The following URB1 variants were observed in gnomAD, a reference collection of about 807,000 sequenced individuals.
The protein encoded by URB1 is nucleolar pre-ribosomal-associated protein 1.
In URB1, 197 loss-of-function variants were observed where a neutral mutation model predicts 242.3. That is an observed-to-expected ratio of 0.81 (90% CI 0.72 to 0.91). The LOEUF is 0.91. Among genes scored for constraint, URB1 ranks in the 40% least tolerant of loss-of-function variants. The probability of loss-of-function intolerance (pLI) is 0.00; values close to 1 mark genes in which losing one functional copy is unlikely to be tolerated. For synonymous variants in URB1, 1,153 were observed against 1,201.8 expected, an observed-to-expected ratio of 0.96 and a Z score of 0.84; for missense variants, 2,721 against 2,860.5, an observed-to-expected ratio of 0.95 and a Z score of 1.11.
chr21:32,369,059 T>A (rs1220618959), intron 8 of URB1, among the ~76,000 whole-genome samples: 4 of 147,498 alleles, frequency 2.7e-5, no homozygotes, highest in African/African-American at 1.1e-4. Context: ...AAGCACTATG[T>A]AGGGCTGGCT....
intron 6 of URB1, 49 bp from the exon 7 acceptor site, chr21:32,373,821 T>C: frequency 7.0e-7 from 1 of 1,432,350 alleles, no homozygotes; most frequent in Non-Finnish European, 9.3e-7. Flanking sequence ...ATGAAAAAGT[T>C]CATGGAATTC....
intron 17 of URB1, 21 bp downstream of exon 17, chr21:32,354,838 G>A (rs536686624): frequency 7.4e-5 from 114 of 1,550,862 alleles, no homozygotes; most frequent in Admixed American, 1.6e-4. Flanking sequence ...TCTGAGCAGC[G>A]CAGAACAGAA....
intron 12 of URB1, 53 bp from the exon 13 acceptor site, chr21:32,361,176 A>G: frequency 1.3e-6 from 1 of 763,322 alleles, no homozygotes. Flanking sequence ...AGAAAGAAAG[A>G]AAGAAAGAAA....
chr21:32,352,973 C>T (rs1171462442), intron 18 of URB1, 67 bp from the exon 19 acceptor site: 16 of 1,440,870 alleles, frequency 1.1e-5, no homozygotes, highest in Non-Finnish European at 1.5e-5. Flanking sequence ...CCTACCAACA[C>T]CACCTTCTTC....
intron 19 of URB1, 85 bp from the exon 20 acceptor site, chr21:32,351,007 A>C: frequency 7.5e-7 from 1 of 1,340,474 alleles, no homozygotes; most frequent in Non-Finnish European, 1.0e-6. Context: ...ACACACAACA[A>C]ACGGACATTT....
chr21:32,369,465 T>G (rs915319918), intron 8 of URB1, among the ~76,000 whole-genome samples: 5 of 152,086 alleles, frequency 3.3e-5, no homozygotes, highest in Admixed American at 6.5e-5. Flanking sequence ...ATTTTTAAAA[T>G]TTTTTATTAT....
At chr21:32,330,955 G>C (rs1162284614) in intron 30 of URB1, among the ~76,000 whole-genome samples, 2 of 152,190 alleles carry the variant, frequency 1.3e-5, no homozygotes, top group Admixed American at 6.5e-5. Context: ...TAGCCTCTTT[G>C]ATCTTTTTAA....
chr21:32,339,315 G>A (rs1166437904), intron 25 of URB1, among the ~76,000 whole-genome samples: 2 of 151,938 alleles, frequency 1.3e-5, no homozygotes, highest in Non-Finnish European at 2.9e-5. Context: ...ATTTTATTAA[G>A]AAAATGTTCA....
chr21:32,354,132 A>G (rs1285510369), intron 17 of URB1, 29 bp from the exon 18 acceptor site: 5 of 1,550,746 alleles, frequency 3.2e-6, no homozygotes, highest in East Asian at 2.4e-5. Context: ...AATCCAGCTG[A>G]TGTGAGAGCC....
At chr21:32,388,475 C>T (rs2033606222) in intron 1 of URB1, among the ~76,000 whole-genome samples, 1 of 152,208 alleles carries the variant, frequency 6.6e-6, no homozygotes, top group South Asian at 2.1e-4. Flanking sequence ...CCGCAGCAAC[C>T]ACCGCCATTC....
intron 1 of URB1, among the ~76,000 whole-genome samples, chr21:32,388,342 T>C (rs1412109288): frequency 1.3e-5 from 2 of 152,142 alleles, no homozygotes; most frequent in Non-Finnish European, 2.9e-5. Flanking sequence ...TAGGTCAAGG[T>C]AAACCCTCAA....
chr21:32,377,709 G>GA (rs2033475112), intron 5 of URB1, among the ~76,000 whole-genome samples: 1 of 152,066 alleles, frequency 6.6e-6, no homozygotes, highest in African/African-American at 2.4e-5. Context: ...GGGCAGTCCA[G>GA]ATCTCCCATC....
Position 32,345,450 on chromosome 21 carries a change from A to T in URB1, c.3994T>A (p.Phe1332Ile). ...ACACTGAGATCCTTGGCTCGTGCAA[A>T]CGGGACCAGCTGTGCCAGGATCTCC... ...YQEILAQLVP[F>I]ARAKDLSVLM... Residue 1332 changes from phenylalanine to isoleucine, a missense_variant, in exon 23 of 39, where the codon TTT becomes ATT. Transcript: ENST00000382751. The T allele has an allele frequency of 6.4e-7, 1 of 1,551,450 alleles. No individual in the cohort carries two copies. Among genetic ancestry groups the T allele is most frequent in the Non-Finnish European group, 8.7e-7 (1 of 1,146,934 alleles).
At chr21:32,318,955 G>C (rs1004618392) in intron 36 of URB1, among the ~76,000 whole-genome samples, 10 of 152,072 alleles carry the variant, frequency 6.6e-5, no homozygotes, top group Admixed American at 6.5e-5. Context: ...ATGCACATTA[G>C]GTGTTAATGT....
At chr21:32,373,523 G>A in intron 7 of URB1, 124 bp downstream of exon 7, 2 of 1,147,336 alleles carry the variant, frequency 1.7e-6, no homozygotes, top group Non-Finnish European at 2.3e-6. Context: ...TATAACCACA[G>A]TCAAAAGAAA....
chr21:32,323,302 T>C (rs142779501), intron 32 of URB1, among the ~76,000 whole-genome samples: 1 of 152,326 alleles, frequency 6.6e-6, no homozygotes, highest in East Asian at 1.9e-4. Context: ...GACTGTGAAC[T>C]AACTGTGGGG....
chr21:32,351,591 C>A (rs570964780), intron 19 of URB1, among the ~76,000 whole-genome samples: 3 of 152,200 alleles, frequency 2.0e-5, no homozygotes, highest in African/African-American at 7.2e-5. Context: ...AATGCAAATT[C>A]TCAGGCTCCA....
chr21:32,368,572 A>C lies in URB1; in HGVS notation c.1028T>G (p.Phe343Cys), dbSNP rs976259359. The C allele has an allele frequency of 2.6e-6, 4 of 1,551,458 alleles. No individual in the cohort carries two copies. The Admixed American group carries it at 5.9e-5, about 23-fold the overall frequency. Residue 343 changes from phenylalanine to cysteine, a missense_variant, in exon 9 of 39, where the codon TTC becomes TGC. By Grantham distance (205) the Phe-to-Cys change is radical. Coordinates refer to ENST00000382751, the MANE Select transcript of URB1 (RefSeq NM_014825.3). ...AGCTGCAGTTTTCAAACCCAGCAAG[A>C]AGTGCAAGAGTGTCAGGTTTCCGCC... ...GRGGNLTLLHFLLGLKTAADD... is the reference protein window; with the variant it reads ...GRGGNLTLLHCLLGLKTAADD...
chr21:32,344,468 C>CAT, intron 24 of URB1, 102 bp downstream of exon 24: 2 of 1,320,446 alleles, frequency 1.5e-6, no homozygotes, highest in Non-Finnish European at 2.1e-6. Context: ...CCTACAGGGC[C>CAT]ATATTCATGC....
Sources: gnomAD v4.1 joint callset for allele counts (sites outside exome capture counted in the v4.1 genomes callset) on GRCh38, gnomAD v4.1.1 for gene constraint, MANE v1.5 for transcripts, NCBI Gene and HGNC (gene_info 2026-07-23, HGNC 2026-07-21) for gene names.